Variants in CUX2 observed in about 807,000 individuals in gnomAD.
CUX2 encodes homeobox protein cut-like 2.
CUX2 carries 40 observed loss-of-function variants against 144.8 expected under a neutral mutation model. The observed-to-expected ratio is 0.28, with a 90% CI of 0.21 to 0.36. CUX2 has a LOEUF of 0.36. Ranked by LOEUF, CUX2 falls within the 10% of genes least tolerant of loss-of-function variation. The pLI, the probability that CUX2 is intolerant of heterozygous loss-of-function variation, is 1.00. For synonymous variants in CUX2, 827 were observed against 875.6 expected, an observed-to-expected ratio of 0.94 and a Z score of 0.98; for missense variants, 1,615 against 1,994.0, an observed-to-expected ratio of 0.81 and a Z score of 3.62.
intron 1 of CUX2, among the ~76,000 whole-genome samples, chr12:111,062,166 G>A (rs1343712487): frequency 6.6e-6 from 1 of 152,144 alleles, no homozygotes; most frequent in African/African-American, 2.4e-5. Context: ...GAATGAATGT[G>A]GGTGGCACCT....
chr12:111,057,132 G>T lies in CUX2; in HGVS notation c.63+22892G>T, dbSNP rs990461998. Reference sequence around the variant, plus strand: ...GACAGAAAATGGCCAAGCTGCAATGGTTGTGACGGGAGGTTGTGTGACGAG... The same window carrying T: ...GACAGAAAATGGCCAAGCTGCAATGTTTGTGACGGGAGGTTGTGTGACGAG... On this transcript the variant is annotated intron_variant, in intron 1 of 21. Coordinates refer to ENST00000261726, the MANE Select transcript of CUX2 (RefSeq NM_015267.4). The surrounding 1 kb of genome is among the most constrained non-coding windows in gnomAD (Gnocchi z 5.1). Among the ~76,000 whole-genome samples, 1 of 151,996 alleles carries T rather than the reference G, an allele frequency of 6.6e-6. No individual in the cohort carries two copies. The highest frequency in any genetic ancestry group is 1.5e-5 in the Non-Finnish European group (1 of 68,002).
intron 4 of CUX2, among the ~76,000 whole-genome samples, chr12:111,267,183 G>A (rs1443182234): frequency 7.9e-6 from 1 of 126,418 alleles, no homozygotes; most frequent in Non-Finnish European, 1.6e-5. Context: ...GGGTGACAGA[G>A]CAAGACCCTG....
chr12:111,193,118 G>A (rs1253970829), intron 1 of CUX2, among the ~76,000 whole-genome samples: 1 of 152,168 alleles, frequency 6.6e-6, no homozygotes, highest in Non-Finnish European at 1.5e-5. Flanking sequence ...ATTTGGACCT[G>A]GCTTGTCTTT....
intron 1 of CUX2, among the ~76,000 whole-genome samples, chr12:111,185,246 T>C (rs1399894286): frequency 6.6e-6 from 1 of 152,246 alleles, no homozygotes; most frequent in African/African-American, 2.4e-5. Context: ...GCTGTTGCCA[T>C]TTTTATCCTA....
At position 111,293,960 on chromosome 12, in the gene CUX2, T is replaced by C. The variant is rs1026914810; in HGVS notation, c.560+391T>C. Among the ~76,000 whole-genome samples, 1 of 152,230 alleles carries C rather than the reference T, an allele frequency of 6.6e-6. No individual in the cohort carries two copies. Among genetic ancestry groups the C allele is most frequent in the African/African-American group, 2.4e-5 (1 of 41,462 alleles). On this transcript the variant is annotated intron_variant, in intron 6 of 21. Coordinates refer to ENST00000261726, the MANE Select transcript of CUX2 (RefSeq NM_015267.4). The surrounding 1 kb of genome is among the most constrained non-coding windows in gnomAD (Gnocchi z 4.5). ...GGTGCAAAATTGGTAGAGCAGGAGT[T>C]GGTGCTGCAATCTTTTTAAATTTTA...
At chr12:111,305,562 G>A (rs1427115602) in intron 10 of CUX2, among the ~76,000 whole-genome samples, 3 of 152,122 alleles carry the variant, frequency 2.0e-5, no homozygotes, top group Admixed American at 1.3e-4. Flanking sequence ...CAGGCATGGT[G>A]GCACATGCCT....
chr12:111,267,866 G>C (rs918107034), intron 4 of CUX2, among the ~76,000 whole-genome samples: 1 of 151,942 alleles, frequency 6.6e-6, no homozygotes, highest in Non-Finnish European at 1.5e-5. Context: ...ACAAAGCCCA[G>C]GCTGGAGTGC....
At chr12:111,326,563 G>T (rs147395215) in intron 18 of CUX2, among the ~76,000 whole-genome samples, 1 of 151,904 alleles carries the variant, frequency 6.6e-6, no homozygotes, top group African/African-American at 2.4e-5. Flanking sequence ...GAGCCACTGC[G>T]CCTGGTCTGT....
rs774911037 is a variant in CUX2, at chr12:111,320,226, C to T, written c.2217C>T (p.Asn739=). 3 of 1,564,832 alleles carry T rather than the reference C, an allele frequency of 1.9e-6. No homozygotes were observed. The highest frequency in any genetic ancestry group is 1.4e-5 in the African/African-American group (1 of 73,244). ...ERPSLATASQ[N]GAPALVKQEE... ...CATCACTGGCCACCGCGAGCCAGAACGGGGCCCCGGCCTTGGTGAAGCAGG... is the reference window on the plus strand; with the variant it reads ...CATCACTGGCCACCGCGAGCCAGAATGGGGCCCCGGCCTTGGTGAAGCAGG... Residue 739 remains asparagine, a synonymous_variant, in exon 17 of 22, where the codon AAC becomes AAT. Coordinates refer to ENST00000261726, the MANE Select transcript of CUX2 (RefSeq NM_015267.4). The surrounding 1 kb of genome is among the most constrained non-coding windows in gnomAD (Gnocchi z 8.1).
At chr12:111,330,710 T>C (rs10530238) in intron 18 of CUX2, among the ~76,000 whole-genome samples, 2,356 of 22,942 alleles carry the variant, frequency 0.1, 98 homozygotes, top group East Asian at 0.44. Context: ...TATATATATA[T>C]ATATATATAT....
Position 111,105,681 on chromosome 12 carries a change from T to G in CUX2, c.63+71441T>G, listed in dbSNP as rs538723215. ...GACCTGGGTTTGAAGCCTGCATCTGTCATTTCCCAGCTAGGTGGTAACCTT... is the reference window on the plus strand; with the variant it reads ...GACCTGGGTTTGAAGCCTGCATCTGGCATTTCCCAGCTAGGTGGTAACCTT... On this transcript the variant is annotated intron_variant, in intron 1 of 21. Transcript: ENST00000261726. Among the ~76,000 whole-genome samples, 3 of 152,286 alleles carry G rather than the reference T, an allele frequency of 2.0e-5. No homozygotes were observed. The South Asian group carries it at 6.2e-4, about 32-fold the overall frequency.
At chr12:111,306,827 T>C in intron 10 of CUX2, 94 bp from the exon 11 acceptor site, 1 of 1,041,276 alleles carries the variant, frequency 9.6e-7, no homozygotes. Context: ...GATCAACAAA[T>C]TTGCATTCTG....
In CUX2 at chr12:111,304,452, T is replaced by C; in HGVS notation, c.858+138T>C. The C allele has an allele frequency of 1.5e-6, 1 of 674,642 alleles. No individual in the cohort carries two copies. The allele number at this position is 674,642 out of a possible 1,614,324, so 41.8% of individuals were successfully genotyped here. A position where few individuals can be genotyped will look rare whatever the true frequency, so the allele number is the denominator to read the frequency against. ...ATTTGAAACTGGGAGTGTGAATGTG[T>C]GTGGGTCTCTGTGCATACGGTGAGC... On this transcript the variant is annotated intron_variant, in intron 10 of 21. Coordinates refer to ENST00000261726, the MANE Select transcript of CUX2 (RefSeq NM_015267.4). The surrounding 1 kb of genome is among the most constrained non-coding windows in gnomAD (Gnocchi z 4.7).
chr12:111,169,843 C>T (rs567493815), intron 1 of CUX2, among the ~76,000 whole-genome samples: 30 of 152,102 alleles, frequency 2.0e-4, no homozygotes, highest in Admixed American at 1.8e-3. Context: ...CACACAGAGA[C>T]GTGGTTCTGC....
intron 1 of CUX2, among the ~76,000 whole-genome samples, chr12:111,081,642 G>A (rs1050154908): frequency 4.6e-5 from 7 of 152,158 alleles, no homozygotes. Flanking sequence ...AGATGTTGGT[G>A]ACAATTGGGA....
intron 2 of CUX2, among the ~76,000 whole-genome samples, chr12:111,215,975 A>C (rs549211151): frequency 4.0e-4 from 61 of 152,352 alleles, no homozygotes; most frequent in African/African-American, 1.5e-3. Flanking sequence ...TGCCTCTGAA[A>C]ATTCTCCTTT....
At chr12:111,104,168 G>A (rs552434040) in intron 1 of CUX2, among the ~76,000 whole-genome samples, 49 of 152,202 alleles carry the variant, frequency 3.2e-4, no homozygotes, top group African/African-American at 9.6e-4. Flanking sequence ...TCTTTTTTAT[G>A]TCTTCTAATT....
At chr12:111,042,680 G>A (rs942239233) in intron 1 of CUX2, among the ~76,000 whole-genome samples, 1 of 152,124 alleles carries the variant, frequency 6.6e-6, no homozygotes, top group African/African-American at 2.4e-5. Context: ...CACCCAGGCT[G>A]GAGTGCAACG....
intron 4 of CUX2, among the ~76,000 whole-genome samples, chr12:111,264,495 G>A (rs1884283951): frequency 6.6e-6 from 1 of 152,158 alleles, no homozygotes; most frequent in South Asian, 2.1e-4. Flanking sequence ...AGCACTTTAG[G>A]AGGCCGAGGT....
Sources: gnomAD v4.1 joint callset for allele counts (sites outside exome capture counted in the v4.1 genomes callset) on GRCh38, gnomAD v4.1.1 for gene constraint, Gnocchi (gnomAD v3.1) non-coding constraint, MANE v1.5 for transcripts, NCBI Gene and HGNC (gene_info 2026-07-23, HGNC 2026-07-21) for gene names.